The following IL10RA variants were observed in gnomAD, a reference collection of about 807,000 sequenced individuals.
IL10RA encodes interleukin-10 receptor subunit alpha.
IL10RA carries 18 observed loss-of-function variants against 29.6 expected under a neutral mutation model. The ratio of observed to expected loss-of-function variants is 0.61; its 90% confidence interval spans 0.42 to 0.90. The LOEUF is 0.90. Ranked by LOEUF, IL10RA falls within the 40% of genes least tolerant of loss-of-function variation. IL10RA has a pLI of 0.00. For missense variants in IL10RA, 634 were observed against 716.6 expected (o/e 0.88, Z 1.32); for synonymous variants, 292 against 294.1 (o/e 0.99, Z 0.07).
chr11:117,989,547 C>A lies in IL10RA; in HGVS notation c.294C>A (p.Ala98=). The change falls in exon 3 of 7, where the codon GCC becomes GCA. Residue 98 remains alanine (A), a synonymous_variant. Coordinates refer to ENST00000227752, the MANE Select transcript of IL10RA (RefSeq NM_001558.4). This position sits in a 1 kb window ranked among gnomAD's most constrained non-coding sequence, Gnocchi z 4.5. Reference sequence around the variant, plus strand: ...TGTACCACAGCAATGGCTACCGGGCCAGAGTGCGGGCTGTGGACGGCAGCC... The same window carrying A: ...TGTACCACAGCAATGGCTACCGGGCAAGAGTGCGGGCTGTGGACGGCAGCC... The part of the protein sequence containing the change: ...LDLYHSNGYR[A]RVRAVDGSRH... The A allele has an allele frequency of 6.2e-7, 1 of 1,614,178 alleles. No individual in the cohort carries two copies. Among genetic ancestry groups the A allele is most frequent in the South Asian group, 1.1e-5 (1 of 91,082 alleles).
intron 6 of IL10RA, among the ~76,000 whole-genome samples, chr11:117,996,390 C>G (rs1015150718): frequency 6.6e-6 from 1 of 152,316 alleles, no homozygotes; most frequent in East Asian, 1.9e-4. Flanking sequence ...ACATTTGTGG[C>G]AAGCCAGTCT....
At chr11:117,994,182 G>C (rs1387942893) in intron 5 of IL10RA, 33 bp downstream of exon 5, 2 of 1,606,388 alleles carry the variant, frequency 1.2e-6, no homozygotes, top group Non-Finnish European at 1.7e-6. Flanking sequence ...AGCATGGGGA[G>C]GGAGACTGGG....
In IL10RA at chr11:117,995,360, A is replaced by T. The variant is rs1802353338; in HGVS notation, c.689-229A>T. The T allele has an allele frequency of 1.7e-5, 10 of 589,666 alleles. No homozygotes were observed. The South Asian group carries it at 1.8e-4, about 11-fold the overall frequency. The allele number at this position is 589,666 out of a possible 1,614,324, so 36.5% of individuals were successfully genotyped here. A position where few individuals can be genotyped will look rare whatever the true frequency, so the allele number is the denominator to read the frequency against. ...TGGGAGTCATGTGCAGAGAGCTGGA[A>T]GCAGTTAGCGCATCTCCTGAGGGAA... On this transcript the variant is annotated intron_variant, in intron 5 of 6. Transcript: ENST00000227752.
At chr11:117,993,463 C>T in intron 4 of IL10RA, 53 bp downstream of exon 4, 3 of 1,513,068 alleles carry the variant, frequency 2.0e-6, no homozygotes, top group Non-Finnish European at 2.8e-6. Flanking sequence ...TTCCCTGTCC[C>T]CTGGGCTGGA....
At chr11:117,996,465 G>C (rs1403599493) in intron 6 of IL10RA, among the ~76,000 whole-genome samples, 1 of 152,232 alleles carries the variant, frequency 6.6e-6, no homozygotes, top group Non-Finnish European at 1.5e-5. Context: ...CTGGCCTGGA[G>C]TTCAGGCCGC....
chr11:117,995,722 AAGG>A lies in IL10RA; in HGVS notation c.810+16_810+18del. 6.2e-7 allele frequency: 1 copy of A among 1,612,022 alleles called. No individual in the cohort carries two copies. Among genetic ancestry groups the A allele is most frequent in the Non-Finnish European group, 8.5e-7 (1 of 1,179,944 alleles). ...TACCCAGTGTCCTGGTGAGTCTTGC[AAGG>A]AGGTCACTGCCCCGTCCTTCCCAGC... On this transcript the variant is annotated intron_variant, in intron 6 of 6. Coordinates refer to ENST00000227752, the MANE Select transcript of IL10RA (RefSeq NM_001558.4).
chr11:117,998,851 GCA>G lies in IL10RA; in HGVS notation c.950_951del (p.Thr317ArgfsTer14). 6.2e-7 allele frequency: 1 copy of G among 1,614,222 alleles called. No individual in the cohort carries two copies. The highest frequency in any genetic ancestry group is 8.5e-7 in the Non-Finnish European group (1 of 1,180,030). ...CTGAAGAACTTGGACCTGCACGGCA[GCA>G]CAGACAGTGGCTTTGGCAGCACCAA... On this transcript the variant is annotated frameshift_variant, in exon 7 of 7. Coordinates refer to ENST00000227752, the MANE Select transcript of IL10RA (RefSeq NM_001558.4). LOFTEE classifies it low-confidence loss of function (END_TRUNC).
Position 117,989,754 on chromosome 11 carries a change from A to C in IL10RA, c.367+134A>C. 1 of 887,420 alleles carries C rather than the reference A, an allele frequency of 1.1e-6. No individual in the cohort carries two copies. The allele number at this position is 887,420 out of a possible 1,614,324, so 55.0% of individuals were successfully genotyped here. Reference sequence around the variant, plus strand: ...TCCCTGGCCGGAGAACTAGTTGCCCAAACAGGGCAGGACTTTGGAGAATGT... The same window carrying C: ...TCCCTGGCCGGAGAACTAGTTGCCCCAACAGGGCAGGACTTTGGAGAATGT... On this transcript the variant is annotated intron_variant, in intron 3 of 6. Coordinates refer to ENST00000227752, the MANE Select transcript of IL10RA (RefSeq NM_001558.4). The surrounding 1 kb of genome is among the most constrained non-coding windows in gnomAD (Gnocchi z 4.5).
At chr11:117,992,658 G>T (rs2058030884) in intron 3 of IL10RA, among the ~76,000 whole-genome samples, 1 of 152,190 alleles carries the variant, frequency 6.6e-6, no homozygotes, top group African/African-American at 2.4e-5. Context: ...CTTCACTCTA[G>T]TGGTTGTTTC....
intron 6 of IL10RA, among the ~76,000 whole-genome samples, chr11:117,997,318 T>C (rs967674024): frequency 6.6e-6 from 1 of 152,250 alleles, no homozygotes; most frequent in Non-Finnish European, 1.5e-5. Context: ...TTCTAAGCAC[T>C]GTAGACACAT....
chr11:117,996,765 A>C (rs764099083), intron 6 of IL10RA, among the ~76,000 whole-genome samples: 6 of 152,106 alleles, frequency 3.9e-5, no homozygotes, highest in Non-Finnish European at 8.8e-5. Context: ...TAATTTTTGT[A>C]TTTTTAGTAG....
At chr11:117,986,933 C>G in intron 1 of IL10RA, 1 of 884,744 alleles carries the variant, frequency 1.1e-6, no homozygotes, top group Non-Finnish European at 1.6e-6. Context: ...CAACTAACCT[C>G]TGTCTGTCCT....
At chr11:117,988,341 G>A in intron 1 of IL10RA, 41 bp from the exon 2 acceptor site, 2 of 1,613,104 alleles carry the variant, frequency 1.2e-6, no homozygotes, top group Non-Finnish European at 8.5e-7. Flanking sequence ...ATCAATGCCT[G>A]CCCCCCCTCC....
Position 117,999,483 on chromosome 11 carries a change from G to T in IL10RA, c.1579G>T (p.Ala527Ser). 1.2e-6 allele frequency: 2 copies of T among 1,614,202 alleles called. No individual in the cohort carries two copies. The highest frequency in any genetic ancestry group is 1.3e-5 in the African/African-American group (1 of 75,062). ...GCCCACTGAGGAATGGTCACTCCTG[G>T]CCTTGAGCAGCTGCAGTGACCTGGG... ...NQPTEEWSLL[A>S]LSSCSDLGIS... Residue 527 changes from alanine (A) to serine (S), a missense_variant, in exon 7 of 7, where the codon GCC (alanine) becomes TCC (serine). By Grantham distance (99) the Ala-to-Ser change is moderately conservative. Transcript: ENST00000227752.
In IL10RA at chr11:118,000,699, A is replaced by G. The variant is rs886047712; in HGVS notation, c.*1058A>G. 1.4e-4 allele frequency: 62 copies of G among 454,152 alleles called. No individual in the cohort carries two copies. The highest frequency in any genetic ancestry group is 2.5e-4 in the Non-Finnish European group (56 of 226,792). 28.1% of individuals were successfully genotyped at this position (454,152 alleles called of 1,614,324 possible). ...ACTTGTCAGAGGGCCTCAATCTCCC[A>G]TCTGTGAAATAAGGACTCCACCTTT... On this transcript the variant is annotated 3_prime_UTR_variant, in exon 7 of 7. Transcript: ENST00000227752.
Position 118,000,128 on chromosome 11 carries a change from A to G in IL10RA, c.*487A>G, listed in dbSNP as rs2058085834. ...GGGCCTTGCTGCTGGGGTCATTTTT[A>G]GGGGAAAAAGGAGGATATGATGGTC... is the stretch of plus-strand genomic sequence containing the variant. On this transcript the variant is annotated 3_prime_UTR_variant, in exon 7 of 7. Coordinates refer to ENST00000227752, the MANE Select transcript of IL10RA (RefSeq NM_001558.4). The G allele has an allele frequency of 2.2e-6, 1 of 454,788 alleles. No individual in the cohort carries two copies. Among genetic ancestry groups the G allele is most frequent in the Non-Finnish European group, 4.4e-6 (1 of 227,506 alleles). The allele number at this position is 454,788 out of a possible 1,614,324, so 28.2% of individuals were successfully genotyped here.
Position 117,999,382 on chromosome 11 carries a change from C to T in IL10RA, c.1478C>T (p.Ala493Val), listed in dbSNP as rs746081732. Residue 493 changes from alanine to valine, a missense_variant, in exon 7 of 7, where the codon GCC (alanine) becomes GTC (valine). Ala to Val is a moderately conservative substitution (Grantham distance 64). Transcript: ENST00000227752. ...GCAGGCTTGCATCCACCAGCCCTGGCCAAGGGCTATTTGAAACAGGATCCT... is the reference window on the plus strand; with the variant it reads ...GCAGGCTTGCATCCACCAGCCCTGGTCAAGGGCTATTTGAAACAGGATCCT... ...DEAGLHPPAL[A>V]KGYLKQDPLE... The T allele has an allele frequency of 9.9e-6, 16 of 1,614,158 alleles. No homozygotes were observed. The South Asian group carries it at 1.8e-4, about 18-fold the overall frequency.
intron 6 of IL10RA, among the ~76,000 whole-genome samples, chr11:117,996,782 G>T (rs1234472783): frequency 6.6e-6 from 1 of 152,138 alleles, no homozygotes; most frequent in Non-Finnish European, 1.5e-5. Context: ...GTAGAGACGG[G>T]GTGTTGACCA....
In IL10RA at chr11:117,999,313, C is replaced by T. The variant is rs1199610710; in HGVS notation, c.1409C>T (p.Thr470Ile). The T allele has an allele frequency of 6.2e-7, 1 of 1,614,212 alleles. No individual in the cohort carries two copies. The highest frequency in any genetic ancestry group is 8.5e-7 in the Non-Finnish European group (1 of 1,180,034). The part of the protein sequence containing the change: ...TGCLEEESPL[T>I]DGLGPKFGRC... The stretch of plus-strand genomic sequence containing the variant: ...TGCCTGGAGGAAGAATCGCCCTTGA[C>T]AGATGGCCTTGGCCCCAAATTCGGG... Residue 470 changes from threonine to isoleucine, a missense_variant, in exon 7 of 7, where the codon ACA becomes ATA. Thr to Ile is a moderately conservative substitution (Grantham distance 89). Coordinates refer to ENST00000227752, the MANE Select transcript of IL10RA (RefSeq NM_001558.4).
Sources: allele counts gnomAD v4.1 joint callset (sites outside exome capture counted in the v4.1 genomes callset), GRCh38; gene constraint gnomAD v4.1.1; non-coding constraint Gnocchi (gnomAD v3.1); transcripts MANE v1.5; gene names NCBI Gene and HGNC (gene_info 2026-07-23, HGNC 2026-07-21).